The following CD163L1 variants were observed in gnomAD, a reference collection of about 807,000 sequenced individuals.
CD163L1 encodes scavenger receptor cysteine-rich type 1 protein M160.
In CD163L1, 124 loss-of-function variants were observed where a neutral mutation model predicts 165.4. That is an observed-to-expected ratio of 0.75 (90% confidence interval 0.65 to 0.87). The LOEUF (loss-of-function observed/expected upper bound fraction) is 0.87, where lower values mean the gene tolerates loss of function less well. CD163L1 is among the 40% of genes least tolerant of loss of function. The pLI is 0.00. For synonymous variants in CD163L1, 585 were observed against 662.2 expected (o/e 0.88, Z 1.79); for missense variants, 1,525 against 1,799.9 (o/e 0.85, Z 2.76).
Position 7,406,826 on chromosome 12 carries a change from C to T in CD163L1, c.793G>A (p.Val265Ile), listed in dbSNP as rs1948030651. Reference protein sequence around the residue: ...YDSSDLELRLVGGTNRCMGRV... With the variant: ...YDSSDLELRLIGGTNRCMGRV... ...CCCATACAGCGGTTAGTTCCACCTA[C>T]AAGCCTTAGTTCAAGATCACTACTA... Residue 265 changes from valine to isoleucine, a missense_variant, in exon 5 of 20, where the codon GTA (valine) becomes ATA (isoleucine). Physicochemically the swap from Val to Ile is conservative, Grantham distance 29. Transcript: ENST00000313599. The T allele has an allele frequency of 6.2e-7, 1 of 1,614,032 alleles. No homozygotes were observed. The highest frequency in any genetic ancestry group is 8.5e-7 in the Non-Finnish European group (1 of 1,179,972).
At chr12:7,440,488 T>C (rs941809485) in intron 2 of CD163L1, among the ~76,000 whole-genome samples, 6 of 151,888 alleles carry the variant, frequency 4.0e-5, no homozygotes, top group African/African-American at 1.4e-4. Context: ...GTGTAACACA[T>C]ATATATTTTT....
the CD163L1 span, chr12:7,323,526 C>A: frequency 3.9e-5 from 63 of 1,613,702 alleles, no homozygotes; most frequent in Non-Finnish European, 5.1e-5. Flanking sequence ...AGACTCAAAC[C>A]TACACGGCCC....
In CD163L1 at chr12:7,355,282, G is replaced by A. The variant is rs372692978; in HGVS notation, c.*25-152C>T. Among the ~76,000 whole-genome samples, 53 of 152,148 alleles carry A rather than the reference G, an allele frequency of 3.5e-4. No individual in the cohort carries two copies. The East Asian group carries it at 0.01, about 29-fold the overall frequency. ...TGATCAATTAGGACAGATTTAGTAG[G>A]TGCTATGTATTAATATTTCTTTTTT... On this transcript the variant is annotated intron_variant, in intron 19 of 19. Transcript: ENST00000313599.
rs1383287745 is a variant in CD163L1 at position 7,400,551 on chromosome 12, G to C, written c.1409-1967C>G. On this transcript the variant is annotated intron_variant, in intron 6 of 19. Coordinates refer to ENST00000313599, the MANE Select transcript of CD163L1 (RefSeq NM_174941.6). The surrounding 1 kb of genome is among the most constrained non-coding windows in gnomAD (Gnocchi z 4.1). ...AGACTGGGTTTTGCTATGTTGCCCA[G>C]GCTGGAGTGGAGTGGCTATTTACAG... is the stretch of plus-strand genomic sequence containing the variant. 6.6e-6 allele frequency among the ~76,000 whole-genome samples: 1 copy of C among 152,012 alleles called. No individual in the cohort carries two copies. Among genetic ancestry groups the C allele is most frequent in the Admixed American group, 6.6e-5 (1 of 15,262 alleles).
chr12:7,399,574 T>TTC (rs966687472), intron 6 of CD163L1, among the ~76,000 whole-genome samples: 8 of 120,528 alleles, frequency 6.6e-5, no homozygotes, highest in African/African-American at 1.8e-4. Flanking sequence ...CTTTCTTTCC[T>TTC]TCTCTCTCTC....
chr12:7,375,764 G>A lies in CD163L1; in HGVS notation c.2622C>T (p.Cys874=). Reference sequence around the variant, plus strand: ...TGTCTTCCGGATGTTGAACAATGGGGCATAATGCAAGGTGAGTTTCACTCC... The same window carrying A: ...TGTCTTCCGGATGTTGAACAATGGGACATAATGCAAGGTGAGTTTCACTCC... ...CEGSETHLAL[C]PIVQHPEDTC... Residue 874 remains cysteine, a synonymous_variant, in exon 10 of 20, where the codon TGC becomes TGT. Transcript: ENST00000313599. 6.2e-7 allele frequency: 1 copy of A among 1,614,200 alleles called. No homozygotes were observed. Among genetic ancestry groups the A allele is most frequent in the Non-Finnish European group, 8.5e-7 (1 of 1,180,026 alleles).
intron 3 of CD163L1, among the ~76,000 whole-genome samples, chr12:7,433,077 TTCA>T (rs1349892534): frequency 6.6e-6 from 1 of 152,190 alleles, no homozygotes; most frequent in East Asian, 1.9e-4. Context: ...CCCAAACTTC[TTCA>T]TTTCTTTCTA....
intron 8 of CD163L1, among the ~76,000 whole-genome samples, chr12:7,383,086 T>C (rs1053562990): frequency 1.4e-4 from 22 of 152,188 alleles, no homozygotes; most frequent in African/African-American, 4.6e-4. Context: ...TGCACTTTCA[T>C]GAGCCTTCAG....
intron 4 of CD163L1, among the ~76,000 whole-genome samples, chr12:7,429,103 G>A (rs1948590158): frequency 6.6e-6 from 1 of 151,876 alleles, no homozygotes; most frequent in Non-Finnish European, 1.5e-5. Flanking sequence ...AAAATAAAGG[G>A]TATTATCTCA....
intron 8 of CD163L1, 122 bp downstream of exon 8, chr12:7,395,973 G>C (rs1947764718): frequency 1.5e-6 from 1 of 677,868 alleles, no homozygotes; most frequent in Non-Finnish European, 2.5e-6. Context: ...TATGAGGTAT[G>C]GTTAGCTCTA....
At chr12:7,362,045 A>G (rs929029032) in intron 18 of CD163L1, among the ~76,000 whole-genome samples, 9 of 150,754 alleles carry the variant, frequency 6.0e-5, no homozygotes, top group African/African-American at 2.2e-4. Context: ...CACTTAGCAT[A>G]ATATCCCTAA....
intron 4 of CD163L1, among the ~76,000 whole-genome samples, chr12:7,427,465 C>A (rs144214039): frequency 6.6e-6 from 1 of 151,984 alleles, no homozygotes; most frequent in Non-Finnish European, 1.5e-5. Flanking sequence ...AAAGCAGCTA[C>A]GAAGGTAGAT....
At chr12:7,421,059 A>G (rs1321521562) in intron 4 of CD163L1, among the ~76,000 whole-genome samples, 114 of 102,764 alleles carry the variant, frequency 1.1e-3, no homozygotes, top group East Asian at 5.0e-3. Flanking sequence ...GTATATACGT[A>G]TATATGTATA....
chr12:7,330,751 A>T, the CD163L1 span, among the ~76,000 whole-genome samples: 3 of 152,210 alleles, frequency 2.0e-5, no homozygotes, highest in African/African-American at 7.2e-5. Flanking sequence ...TGTACCCTTC[A>T]TGCTGAAGTC....
intron 4 of CD163L1, among the ~76,000 whole-genome samples, chr12:7,413,021 G>T (rs189301362): frequency 4.0e-5 from 6 of 149,694 alleles, no homozygotes; most frequent in African/African-American, 1.5e-4. Flanking sequence ...GCTTGAACTT[G>T]GAGGGTGGAG....
rs1591873940 is a variant in CD163L1 at position 7,362,196 on chromosome 12, CATATATAAT to C, written c.4280-4719_4280-4711del. 2.2e-5 allele frequency among the ~76,000 whole-genome samples: 3 copies of C among 139,350 alleles called. No homozygotes were observed. In the East Asian group the frequency reaches 6.1e-4, roughly 28 times the overall value. The allele number at this position is 139,350 out of a possible 152,430, so 91.4% of individuals were successfully genotyped here. A position where few individuals can be genotyped will look rare whatever the true frequency, so the allele number is the denominator to read the frequency against. On this transcript the variant is annotated intron_variant, in intron 18 of 19. Coordinates refer to ENST00000313599, the MANE Select transcript of CD163L1 (RefSeq NM_174941.6). The stretch of plus-strand genomic sequence containing the variant: ...ACTTATATAAATTATACATATATAA[CATATATAAT>C]ATATCATATGTATTATTTTTATATT...
the CD163L1 span, among the ~76,000 whole-genome samples, chr12:7,333,843 C>T: frequency 2.0e-5 from 3 of 152,184 alleles, no homozygotes; most frequent in Admixed American, 1.3e-4. Context: ...AAACTACCAT[C>T]AGAGAATACT....
chr12:7,420,998 TATATATATATACGTGTATATATATAC>T lies in CD163L1; in HGVS notation c.766+11392_766+11417del, dbSNP rs1480368442. 6.0e-3 allele frequency among the ~76,000 whole-genome samples: 751 copies of T among 125,358 alleles called. 12 individuals carry two copies. The highest frequency in any genetic ancestry group is 0.021 in the African/African-American group (623 of 29,990). 82.2% of individuals were successfully genotyped at this position (125,358 alleles called of 152,430 possible). On this transcript the variant is annotated intron_variant, in intron 4 of 19. Coordinates refer to ENST00000313599, the MANE Select transcript of CD163L1 (RefSeq NM_174941.6). ...AAAGAAATTGTGGTATATATATACA[TATATATATATACGTGTATATATATAC>T]ATATATATATACGTGTATATATATG...
chr12:7,413,981 T>C (rs1194541082), intron 4 of CD163L1, among the ~76,000 whole-genome samples: 1 of 152,096 alleles, frequency 6.6e-6, no homozygotes, highest in Non-Finnish European at 1.5e-5. Context: ...GTTCATTTTT[T>C]CCAAAGCATC....
Sources: allele counts gnomAD v4.1 joint callset (sites outside exome capture counted in the v4.1 genomes callset), GRCh38; gene constraint gnomAD v4.1.1; non-coding constraint Gnocchi (gnomAD v3.1); transcripts MANE v1.5; gene names NCBI Gene and HGNC (gene_info 2026-07-23, HGNC 2026-07-21).